MID1: variants seen among roughly 807,000 people sequenced by gnomAD.
MID1 encodes the protein midline 1.
MID1 carries 7 observed loss-of-function variants against 40.4 expected under a neutral mutation model. The ratio of observed to expected loss-of-function variants is 0.17; its 90% CI spans 0.10 to 0.33. MID1 has a LOEUF of 0.33. Among genes scored for constraint, MID1 ranks in the 10% least tolerant of loss-of-function variants. MID1 has a pLI of 1.00. For synonymous variants in MID1, 229 were observed against 221.2 expected, an observed-to-expected ratio of 1.04 and a Z score of -0.31; for missense variants, 367 against 558.5, an observed-to-expected ratio of 0.66 and a Z score of 3.46.
intron 1 of MID1, among the ~76,000 whole-genome samples, chrX:10,747,616 C>T (rs778656928): frequency 8.0e-5 from 9 of 112,152 alleles, no homozygotes; most frequent in Non-Finnish European, 1.7e-4. Context: ...TCATCTTTGT[C>T]GTAGCCTATT....
At chrX:10,485,534 C>G (rs1184803543) in intron 4 of MID1, among the ~76,000 whole-genome samples, 1 of 111,677 alleles carries the variant, frequency 9.0e-6, no homozygotes, top group East Asian at 2.8e-4. Context: ...TACCACATTG[C>G]AACTTTTGGA....
intron 1 of MID1, among the ~76,000 whole-genome samples, chrX:10,650,293 C>T (rs1936303569): frequency 9.1e-6 from 1 of 110,448 alleles, no homozygotes; most frequent in Admixed American, 9.6e-5. Context: ...AAGAAGAGAG[C>T]TCCCCGCCAT....
chrX:10,477,909 CA>C, intron 5 of MID1, among the ~76,000 whole-genome samples: 2 of 112,610 alleles, frequency 1.8e-5, no homozygotes, highest in Middle Eastern at 4.6e-3. Flanking sequence ...GACACACTTC[CA>C]AAACCACTGA....
At chrX:10,453,539 A>G (rs1024277810) in intron 9 of MID1, among the ~76,000 whole-genome samples, 3 of 111,948 alleles carry the variant, frequency 2.7e-5, no homozygotes, top group African/African-American at 9.7e-5. Flanking sequence ...GAATAGCAGC[A>G]TACCATGGTG....
At position 10,727,209 on chromosome X, in the gene MID1, G is replaced by A. The variant is rs1330871975; in HGVS notation, c.-187+106345C>T. On this transcript the variant is annotated intron_variant, in intron 1 of 10. Transcript: ENST00000380785. ...AGCTCACTACAACCTCCTCCTCCTG[G>A]GTTCAAGTGATTCTCTTGCCTCAGC... 2.7e-5 allele frequency among the ~76,000 whole-genome samples: 3 copies of A among 112,090 alleles called. No homozygotes were observed. The East Asian group carries it at 8.4e-4, about 31-fold the overall frequency.
intron 1 of MID1, among the ~76,000 whole-genome samples, chrX:10,569,774 C>A (rs935365273): frequency 9.9e-5 from 11 of 111,355 alleles, no homozygotes; most frequent in African/African-American, 2.9e-4. Flanking sequence ...ACTGGGGAGA[C>A]CTCAGTGGAA....
chrX:10,471,292 T>C lies in MID1; in HGVS notation c.1142-1452A>G, dbSNP rs149022600. 6.4e-3 allele frequency among the ~76,000 whole-genome samples: 718 copies of C among 112,410 alleles called. 7 individuals are homozygous for C. The highest frequency in any genetic ancestry group is 0.022 in the African/African-American group (667 of 31,012). On this transcript the variant is annotated intron_variant, in intron 6 of 9. Coordinates refer to ENST00000317552, the MANE Select transcript of MID1 (RefSeq NM_000381.4). The stretch of plus-strand genomic sequence containing the variant: ...AAACCCAAAGAGGAAGAAAAGTTTA[T>C]AAAAACTGTAAATTTAAACTCTGCG...
intron 2 of MID1, among the ~76,000 whole-genome samples, chrX:10,535,870 C>T (rs1206556515): frequency 2.7e-5 from 3 of 111,440 alleles, no homozygotes; most frequent in African/African-American, 9.8e-5. Flanking sequence ...GCCCTGAAGC[C>T]TTGTGTAGTC....
At chrX:10,662,551 C>T (rs2042922142) in intron 1 of MID1, among the ~76,000 whole-genome samples, 1 of 110,978 alleles carries the variant, frequency 9.0e-6, no homozygotes, top group African/African-American at 3.3e-5. Flanking sequence ...AGGGAGGATG[C>T]GTGTGTACTC....
chrX:10,639,097 C>A (rs943192883), intron 1 of MID1, among the ~76,000 whole-genome samples: 3 of 112,402 alleles, frequency 2.7e-5, no homozygotes, highest in Non-Finnish European at 5.6e-5. Flanking sequence ...AACCAGCACA[C>A]GTCTTCTCCT....
rs1188069622 is a variant in MID1 at position 10,730,564 on chromosome X, C to CTTTT, written c.-187+102986_-187+102989dup. On this transcript the variant is annotated intron_variant, in intron 1 of 10. Transcript: ENST00000380785. ...AACTAACCTTTCAGATCAGATACAT[C>CTTTT]TTTTTTTTTTTTTTTTTTTTTTTCT... Among the ~76,000 whole-genome samples, 353 of 78,092 alleles carry CTTTT rather than the reference C, an allele frequency of 4.5e-3. 3 individuals carry two copies. The highest frequency in any genetic ancestry group is 7.6e-3 in the Middle Eastern group (1 of 131). 67.8% of individuals were successfully genotyped at this position (78,092 alleles called of 115,157 possible).
At chrX:10,523,898 T>G (rs964410454) in intron 2 of MID1, among the ~76,000 whole-genome samples, 43 of 112,071 alleles carry the variant, frequency 3.8e-4, no homozygotes, top group African/African-American at 1.4e-3. Context: ...TTGTAATAAG[T>G]AATATAAGTT....
chrX:10,562,371 T>TAAAAA (rs760465620), intron 2 of MID1, among the ~76,000 whole-genome samples: 196 of 43,929 alleles, frequency 4.5e-3, no homozygotes, highest in Middle Eastern at 0.014. Context: ...GAACTTAAAG[T>TAAAAA]AAAAAAAAAA....
intron 1 of MID1, among the ~76,000 whole-genome samples, chrX:10,766,946 T>C (rs2043734734): frequency 9.2e-6 from 1 of 109,097 alleles, no homozygotes; most frequent in Non-Finnish European, 1.9e-5. Flanking sequence ...GGGTAAATAA[T>C]TGGATTTGGA....
At chrX:10,532,293 C>T (rs777486797) in intron 2 of MID1, among the ~76,000 whole-genome samples, 3 of 112,105 alleles carry the variant, frequency 2.7e-5, no homozygotes, top group Non-Finnish European at 3.8e-5. Flanking sequence ...GAGTTCAAGA[C>T]CAGCCTGGGC....
chrX:10,463,169 ACT>A (rs1255226822), intron 7 of MID1, among the ~76,000 whole-genome samples: 2 of 111,421 alleles, frequency 1.8e-5, no homozygotes, highest in African/African-American at 6.6e-5. Context: ...TATAGTCATA[ACT>A]CTATTAACAA....
chrX:10,591,342 T>C (rs1935294640), intron 1 of MID1, among the ~76,000 whole-genome samples: 1 of 112,625 alleles, frequency 8.9e-6, no homozygotes, highest in East Asian at 2.8e-4. Flanking sequence ...TGTCCTTATA[T>C]AAGTCAACAG....
intron 1 of MID1, among the ~76,000 whole-genome samples, chrX:10,708,193 T>C (rs1219087435): frequency 1.8e-5 from 2 of 112,865 alleles, no homozygotes; most frequent in Non-Finnish European, 3.7e-5. Context: ...TAAAAATGAA[T>C]GTCTGGGCAC....
At chrX:10,733,010 C>A (rs1349904607) in intron 1 of MID1, among the ~76,000 whole-genome samples, 4 of 109,920 alleles carry the variant, frequency 3.6e-5, no homozygotes, top group Non-Finnish European at 5.7e-5. Context: ...ACTACAGGCG[C>A]CTGCCACTGC....
Sources: gnomAD v4.1 joint callset for allele counts (sites outside exome capture counted in the v4.1 genomes callset) on GRCh38, gnomAD v4.1.1 for gene constraint, MANE v1.5 for transcripts, NCBI Gene and HGNC (gene_info 2026-07-23, HGNC 2026-07-21) for gene names.